The following TUBB4B variants were observed in gnomAD, a reference collection of about 807,000 sequenced individuals.
TUBB4B encodes tubulin beta 4B class IVb, also known as tubulin beta-4B chain.
A neutral mutation model predicts 34.3 loss-of-function variants in TUBB4B; 7 were observed. The observed-to-expected ratio is 0.20, with a 90% CI of 0.12 to 0.38. TUBB4B has a LOEUF of 0.38. TUBB4B is among the 10% of genes least tolerant of loss of function. The probability of loss-of-function intolerance (pLI) is 1.00; values close to 1 mark genes in which losing one functional copy is unlikely to be tolerated. For missense variants in TUBB4B, 178 were observed against 610.9 expected (o/e 0.29, Z 7.47); for synonymous variants, 390 against 250.2 (o/e 1.56, Z -5.27).
chr9:137,242,226 G>C, intron 3 of TUBB4B: 1 of 665,052 alleles, frequency 1.5e-6, no homozygotes, highest in Non-Finnish European at 2.5e-6. Context: ...TCCCTGCAGG[G>C]AGCTGAGCTG....
chr9:137,243,588 A>G lies in TUBB4B; in HGVS notation c.*32A>G. On this transcript the variant is annotated 3_prime_UTR_variant, in exon 4 of 4. Coordinates refer to ENST00000340384, the MANE Select transcript of TUBB4B (RefSeq NM_006088.6). ...CAGTCACTGGGGAAAGCAGGGAAGC[A>G]GTGTGAACTCTTTATTCACTCCCAG... 1 of 1,613,522 alleles carries G rather than the reference A, an allele frequency of 6.2e-7. No individual in the cohort carries two copies. The highest frequency in any genetic ancestry group is 1.1e-5 in the South Asian group (1 of 91,082).
Position 137,241,715 on chromosome 9 carries a change from T to G in TUBB4B, c.58-6T>G. The G allele has an allele frequency of 6.3e-6, 10 of 1,597,212 alleles. No individual in the cohort carries two copies. Among genetic ancestry groups the G allele is most frequent in the African/African-American group, 1.3e-5 (1 of 74,160 alleles). On this transcript the variant is annotated splice_polypyrimidine_tract_variant and splice_region_variant and intron_variant, in intron 1 of 3. Coordinates refer to ENST00000340384, the MANE Select transcript of TUBB4B (RefSeq NM_006088.6). ...GCCCGCCCGGGCCCGCCCGCGTCCC[T>G]TGTAGTTTTGGGAGGTGATCAGCGA...
chr9:137,243,684 C>A lies in TUBB4B; in HGVS notation c.*128C>A. 1 of 1,614,098 alleles carries A rather than the reference C, an allele frequency of 6.2e-7. No homozygotes were observed. Among genetic ancestry groups the A allele is most frequent in the Non-Finnish European group, 8.5e-7 (1 of 1,180,000 alleles). On this transcript the variant is annotated 3_prime_UTR_variant, in exon 4 of 4. Transcript: ENST00000340384. ...GTCCACATCCATGCTGTACAGACACCACCATTAAAGCATTTTCATAGTGTG... is the reference window on the plus strand; with the variant it reads ...GTCCACATCCATGCTGTACAGACACAACCATTAAAGCATTTTCATAGTGTG...
At chr9:137,242,395 C>A in intron 3 of TUBB4B, 101 bp from the exon 4 acceptor site, 1 of 1,395,680 alleles carries the variant, frequency 7.2e-7, no homozygotes. Context: ...AGGGTGAATT[C>A]TGTGGTCAGC....
Position 137,241,331 on chromosome 9 carries a change from T to C in TUBB4B, c.-30T>C, listed in dbSNP as rs777529487. ...CTTCTGCTGCTGTTTGTCTACTTCC[T>C]CCTGCTTCCCCGCCGCCGCCGCCGC... On this transcript the variant is annotated 5_prime_UTR_variant, in exon 1 of 4. Coordinates refer to ENST00000340384, the MANE Select transcript of TUBB4B (RefSeq NM_006088.6). 1.9e-6 allele frequency: 3 copies of C among 1,590,632 alleles called. No homozygotes were observed. The highest frequency in any genetic ancestry group is 1.7e-5 in the Admixed American group (1 of 59,372).
At position 137,243,385 on chromosome 9, in the gene TUBB4B, C is replaced by T; in HGVS notation, c.1167C>T (p.Phe389=). ...TCTCCGAGCAGTTCACGGCCATGTT[C>T]CGGCGCAAGGCCTTCCTGCACTGGT... ...KRISEQFTAM[F]RRKAFLHWYT... The change falls in exon 4 of 4, where the codon TTC becomes TTT. Residue 389 remains phenylalanine, a synonymous_variant. Transcript: ENST00000340384. 1.2e-6 allele frequency: 2 copies of T among 1,613,566 alleles called. No homozygotes were observed. The highest frequency in any genetic ancestry group is 2.2e-5 in the South Asian group (2 of 91,084).
rs750793247 is a variant in TUBB4B, at chr9:137,243,701, C to G, written c.*145C>G. The G allele has an allele frequency of 6.2e-7, 1 of 1,614,154 alleles. No individual in the cohort carries two copies. The highest frequency in any genetic ancestry group is 1.3e-5 in the African/African-American group (1 of 75,050). On this transcript the variant is annotated 3_prime_UTR_variant, in exon 4 of 4. Transcript: ENST00000340384. The stretch of plus-strand genomic sequence containing the variant: ...ACAGACACCACCATTAAAGCATTTT[C>G]ATAGTGTGTGGTTTCGCTTTGCCCA...
At chr9:137,242,133 G>A in intron 3 of TUBB4B, 112 bp downstream of exon 3, 1 of 1,081,800 alleles carries the variant, frequency 9.2e-7, no homozygotes, top group South Asian at 1.6e-5. Context: ...TCTTCTCTGA[G>A]CCACTCAATC....
chr9:137,242,063 G>C, intron 3 of TUBB4B, 42 bp downstream of exon 3: 1 of 1,587,728 alleles, frequency 6.3e-7, no homozygotes, highest in Non-Finnish European at 8.6e-7. Flanking sequence ...CAAAGGTCAA[G>C]GGGCTGCTCC....
At position 137,242,629 on chromosome 9, in the gene TUBB4B, C is replaced by T; in HGVS notation, c.411C>T (p.His137=). ...CDCLQGFQLT[H]SLGGGTGSGM... ...GCCTGCAGGGTTTCCAGCTGACCCA[C>T]TCCCTGGGTGGGGGGACTGGGTCTG... Residue 137 remains histidine, a synonymous_variant, in exon 4 of 4, where the codon CAC becomes CAT. Transcript: ENST00000340384. 1 of 1,613,714 alleles carries T rather than the reference C, an allele frequency of 6.2e-7. No individual in the cohort carries two copies. The highest frequency in any genetic ancestry group is 8.5e-7 in the Non-Finnish European group (1 of 1,180,006).
chr9:137,243,680 A>C lies in TUBB4B; in HGVS notation c.*124A>C, dbSNP rs773201309. The C allele has an allele frequency of 2.0e-5, 33 of 1,613,940 alleles. No individual in the cohort carries two copies. Among genetic ancestry groups the C allele is most frequent in the Middle Eastern group, 1.6e-4 (1 of 6,084 alleles). ...CCCTGTCCACATCCATGCTGTACAG[A>C]CACCACCATTAAAGCATTTTCATAG... On this transcript the variant is annotated 3_prime_UTR_variant, in exon 4 of 4. Coordinates refer to ENST00000340384, the MANE Select transcript of TUBB4B (RefSeq NM_006088.6).
chr9:137,242,848 T>C lies in TUBB4B; in HGVS notation c.630T>C (p.Ile210=). 1 of 1,613,716 alleles carries C rather than the reference T, an allele frequency of 6.2e-7. No individual in the cohort carries two copies. Among genetic ancestry groups the C allele is most frequent in the South Asian group, 1.1e-5 (1 of 91,084 alleles). ...TTGATAACGAAGCTCTCTACGACAT[T>C]TGCTTCAGAACCCTAAAGCTGACCA... ...YCIDNEALYD[I]CFRTLKLTTP... Residue 210 remains isoleucine (I), a synonymous_variant, in exon 4 of 4, where the codon ATT becomes ATC. Transcript: ENST00000340384.
chr9:137,241,299 G>C lies in TUBB4B; in HGVS notation c.-62G>C. 1.3e-6 allele frequency: 2 copies of C among 1,557,052 alleles called. No homozygotes were observed. Among genetic ancestry groups the C allele is most frequent in the South Asian group, 1.1e-5 (1 of 87,686 alleles). On this transcript the variant is annotated 5_prime_UTR_variant, in exon 1 of 4. Coordinates refer to ENST00000340384, the MANE Select transcript of TUBB4B (RefSeq NM_006088.6). ...GAGCGTCGGTTGTAGCACTCTGCGC[G>C]CCCGCTCTTCTGCTGCTGTTTGTCT... is the stretch of plus-strand genomic sequence containing the variant.
Position 137,241,329 on chromosome 9 carries a change from C to A in TUBB4B, c.-32C>A. 1 of 1,590,144 alleles carries A rather than the reference C, an allele frequency of 6.3e-7. No individual in the cohort carries two copies. Among genetic ancestry groups the A allele is most frequent in the Non-Finnish European group, 8.5e-7 (1 of 1,173,970 alleles). On this transcript the variant is annotated 5_prime_UTR_variant, in exon 1 of 4. Transcript: ENST00000340384. ...CTCTTCTGCTGCTGTTTGTCTACTT[C>A]CTCCTGCTTCCCCGCCGCCGCCGCC...
chr9:137,241,299 GC>G lies in TUBB4B; in HGVS notation c.-59del. The stretch of plus-strand genomic sequence containing the variant: ...GAGCGTCGGTTGTAGCACTCTGCGC[GC>G]CCGCTCTTCTGCTGCTGTTTGTCTA... On this transcript the variant is annotated 5_prime_UTR_variant, in exon 1 of 4. Transcript: ENST00000340384. The G allele has an allele frequency of 6.4e-7, 1 of 1,557,052 alleles. No individual in the cohort carries two copies. The highest frequency in any genetic ancestry group is 8.6e-7 in the Non-Finnish European group (1 of 1,156,554).
Position 137,243,633 on chromosome 9 carries a change from C to G in TUBB4B, c.*77C>G, listed in dbSNP as rs1836807674. The G allele has an allele frequency of 7.4e-6, 12 of 1,613,894 alleles. No homozygotes were observed. The highest frequency in any genetic ancestry group is 1.1e-5 in the South Asian group (1 of 91,086). Reference sequence around the variant, plus strand: ...TCCCAGCCTGTCCTGTGGCCTGTCCCACTGTGTGCACTTGCTGTTTTCCCT... The same window carrying G: ...TCCCAGCCTGTCCTGTGGCCTGTCCGACTGTGTGCACTTGCTGTTTTCCCT... On this transcript the variant is annotated 3_prime_UTR_variant, in exon 4 of 4. Coordinates refer to ENST00000340384, the MANE Select transcript of TUBB4B (RefSeq NM_006088.6).
chr9:137,242,162 T>A (rs1836762264), intron 3 of TUBB4B, 141 bp downstream of exon 3: 13 of 883,358 alleles, frequency 1.5e-5, no homozygotes, highest in Non-Finnish European at 2.2e-5. Flanking sequence ...TAAATCGGCT[T>A]TGGGAGCAAG....
rs775782799 is a variant in TUBB4B at position 137,242,815 on chromosome 9, C to T, written c.597C>T (p.Thr199=). The change falls in exon 4 of 4, where the codon ACC becomes ACT. Residue 199 remains threonine (T), a synonymous_variant. Transcript: ENST00000340384. ...VHQLVENTDE[T]YCIDNEALYD... ...AGCTCGTAGAAAACACAGACGAGAC[C>T]TACTGCATTGATAACGAAGCTCTCT... 1.1e-5 allele frequency: 18 copies of T among 1,613,750 alleles called. No individual in the cohort carries two copies. The highest frequency in any genetic ancestry group is 5.0e-5 in the Admixed American group (3 of 60,006).
rs1306224101 is a variant in TUBB4B, at chr9:137,243,374, A to G, written c.1156A>G (p.Thr386Ala). The change falls in exon 4 of 4, where the codon ACG becomes GCG. Residue 386 changes from threonine (T) to alanine (A), a missense_variant. By Grantham distance (58) the Thr-to-Ala change is moderately conservative. Coordinates refer to ENST00000340384, the MANE Select transcript of TUBB4B (RefSeq NM_006088.6). ...GTTCAAGCGCATCTCCGAGCAGTTC[A>G]CGGCCATGTTCCGGCGCAAGGCCTT... ...ELFKRISEQF[T>A]AMFRRKAFLH... 1 of 1,613,540 alleles carries G rather than the reference A, an allele frequency of 6.2e-7. No homozygotes were observed. The highest frequency in any genetic ancestry group is 1.7e-5 in the Admixed American group (1 of 60,026).
Sources: allele counts gnomAD v4.1 joint callset, GRCh38; gene constraint gnomAD v4.1.1; transcripts MANE v1.5; gene names NCBI Gene and HGNC (gene_info 2026-07-23, HGNC 2026-07-21).